The following USP48 variants were observed in gnomAD, a reference collection of about 807,000 sequenced individuals.
The protein encoded by USP48 is ubiquitin carboxyl-terminal hydrolase 48.
USP48 carries 43 observed loss-of-function variants against 150.7 expected under a neutral mutation model. The ratio of observed to expected loss-of-function variants is 0.29; its 90% CI spans 0.22 to 0.37. The LOEUF is 0.37. Among genes scored for constraint, USP48 ranks in the 10% least tolerant of loss-of-function variants. The probability of loss-of-function intolerance (pLI) is 1.00; values close to 1 mark genes in which losing one functional copy is unlikely to be tolerated. For synonymous variants in USP48, 396 were observed against 425.9 expected, an observed-to-expected ratio of 0.93 and a Z score of 0.86; for missense variants, 813 against 1,249.6, an observed-to-expected ratio of 0.65 and a Z score of 5.27.
chr1:21,680,265 T>C (rs1340214949), intron 26 of USP48, among the ~76,000 whole-genome samples: 3 of 152,262 alleles, frequency 2.0e-5, no homozygotes, highest in African/African-American at 7.2e-5. Flanking sequence ...GGTCTGTATT[T>C]GATGACTTCT....
At chr1:21,718,509 TG>T (rs2097710983) in intron 14 of USP48, among the ~76,000 whole-genome samples, 1 of 152,020 alleles carries the variant, frequency 6.6e-6, no homozygotes, top group Non-Finnish European at 1.5e-5. Flanking sequence ...CTTTCTATTA[TG>T]GCATCCAATT....
intron 8 of USP48, among the ~76,000 whole-genome samples, chr1:21,737,721 A>G (rs552396061): frequency 6.6e-6 from 1 of 152,336 alleles, no homozygotes; most frequent in South Asian, 2.1e-4. Flanking sequence ...CCAACAAATA[A>G]TATCTTTTCA....
Position 21,763,982 on chromosome 1 carries a change from A to G in USP48, c.135-6199T>C, listed in dbSNP as rs1345652623. ...AGCCTCTCCCATTCGTCATTCTCCA[A>G]TGCCCCTAACTCCATTTTATCCCTC... On this transcript the variant is annotated intron_variant, in intron 1 of 26. Transcript: ENST00000308271. Among the ~76,000 whole-genome samples the G allele has an allele frequency of 2.0e-5, 3 of 152,222 alleles. No homozygotes were observed. In the East Asian group the frequency reaches 5.8e-4, roughly 29 times the overall value.
Position 21,679,219 on chromosome 1 carries a change from T to A in USP48, c.*198A>T. ...AAATATAAAATTGGAAACATTTCCT[T>A]CAAGTCTGATGTCCATCAGTGCAAT... On this transcript the variant is annotated 3_prime_UTR_variant, in exon 27 of 27. Coordinates refer to ENST00000308271, the MANE Select transcript of USP48 (RefSeq NM_032236.8). The A allele has an allele frequency of 3.7e-6, 2 of 533,896 alleles. No individual in the cohort carries two copies. Among genetic ancestry groups the A allele is most frequent in the South Asian group, 2.0e-5 (1 of 48,942 alleles). The allele number at this position is 533,896 out of a possible 1,614,324, so 33.1% of individuals were successfully genotyped here. A position where few individuals can be genotyped will look rare whatever the true frequency, so the allele number is the denominator to read the frequency against.
At chr1:21,703,463 A>T (rs1284794679) in intron 21 of USP48, 49 bp downstream of exon 21, 2 of 1,466,854 alleles carry the variant, frequency 1.4e-6, no homozygotes, top group Non-Finnish European at 1.9e-6. Context: ...AATCAAGCCA[A>T]AGAGCACGCT....
intron 23 of USP48, among the ~76,000 whole-genome samples, chr1:21,693,823 CA>C (rs1251698676): frequency 2.6e-5 from 4 of 152,146 alleles, no homozygotes; most frequent in Non-Finnish European, 4.4e-5. Context: ...TGGGTTCAAC[CA>C]AGGGAAATAC....
intron 22 of USP48, 32 bp downstream of exon 22, chr1:21,701,466 G>T: frequency 6.3e-7 from 1 of 1,584,144 alleles, no homozygotes; most frequent in Non-Finnish European, 8.7e-7. Flanking sequence ...ACAGCAGAAA[G>T]TATAACAATG....
At chr1:21,688,372 C>T (rs1571694681) in intron 24 of USP48, among the ~76,000 whole-genome samples, 2 of 151,910 alleles carry the variant, frequency 1.3e-5, no homozygotes, top group Non-Finnish European at 2.9e-5. Flanking sequence ...GTGCCCACCA[C>T]CACGCTTGGC....
chr1:21,702,667 A>C (rs1443314404), intron 21 of USP48, among the ~76,000 whole-genome samples: 1 of 152,100 alleles, frequency 6.6e-6, no homozygotes, highest in Non-Finnish European at 1.5e-5. Flanking sequence ...CCTTGGTATG[A>C]TGTATAAAAC....
At chr1:21,777,973 A>T (rs1273075173) in intron 1 of USP48, among the ~76,000 whole-genome samples, 2 of 3,010 alleles carry the variant, frequency 6.6e-4, no homozygotes, top group African/African-American at 2.4e-3. Context: ...TAAATATACC[A>T]AAAAAAAAAA....
chr1:21,776,641 G>A (rs1406771484), intron 1 of USP48, among the ~76,000 whole-genome samples: 1 of 145,750 alleles, frequency 6.9e-6, no homozygotes, highest in Non-Finnish European at 1.5e-5. Flanking sequence ...TAGAAAGAGA[G>A]CTTTTTGGAT....
At position 21,723,833 on chromosome 1, in the gene USP48, A is replaced by G. The variant is rs1327114870; in HGVS notation, c.1648+65T>C. 6 of 1,426,120 alleles carry G rather than the reference A, an allele frequency of 4.2e-6. 1 individual carries two copies. The highest frequency in any genetic ancestry group is 2.5e-5 in the South Asian group (2 of 79,586). 88.3% of individuals were successfully genotyped at this position (1,426,120 alleles called of 1,614,324 possible). A position where few individuals can be genotyped will look rare whatever the true frequency, so the allele number is the denominator to read the frequency against. The stretch of plus-strand genomic sequence containing the variant: ...TCAAATCATCATAAGCCACACTCAT[A>G]AAGACCATAAGATGAAGATTTAATG... On this transcript the variant is annotated intron_variant, in intron 12 of 26. Transcript: ENST00000308271.
chr1:21,704,333 T>G lies in USP48; in HGVS notation c.2444A>C (p.His815Pro). ...QMIQKLFVVD[H>P]VIKITRIEVG... ...TTCAATTCTCGTGATTTTAATTACA[T>G]GATCCACAACAAAGAGCTTTTGTAT... Residue 815 changes from histidine (H) to proline (P), a missense_variant, in exon 20 of 27, where the codon CAT becomes CCT. Transcript: ENST00000308271. The G allele has an allele frequency of 6.2e-7, 1 of 1,613,998 alleles. No individual in the cohort carries two copies. Among genetic ancestry groups the G allele is most frequent in the Non-Finnish European group, 8.5e-7 (1 of 1,179,970 alleles).
chr1:21,759,369 C>A (rs756502808), intron 1 of USP48, among the ~76,000 whole-genome samples: 1 of 152,016 alleles, frequency 6.6e-6, no homozygotes, highest in Non-Finnish European at 1.5e-5. Context: ...TTTACTAGTA[C>A]CCTCTGGCTA....
chr1:21,722,080 G>A (rs894084487), intron 12 of USP48, among the ~76,000 whole-genome samples: 1 of 151,942 alleles, frequency 6.6e-6, no homozygotes, highest in Admixed American at 6.6e-5. Flanking sequence ...TTCTAAGGTG[G>A]GGGGGTTAAA....
At chr1:21,707,011 C>T in intron 15 of USP48, 143 bp from the exon 16 acceptor site, 2 of 1,008,724 alleles carry the variant, frequency 2.0e-6, no homozygotes, top group Admixed American at 3.1e-5. Flanking sequence ...GCTCTCTTTT[C>T]TTGTTTTCAA....
At chr1:21,699,763 G>A (rs1474745241) in intron 22 of USP48, among the ~76,000 whole-genome samples, 2 of 151,614 alleles carry the variant, frequency 1.3e-5, no homozygotes, top group Admixed American at 6.6e-5. Context: ...TGATCCACCC[G>A]CCTCGGCCTT....
At chr1:21,714,867 A>T (rs2097700078) in intron 15 of USP48, among the ~76,000 whole-genome samples, 1 of 152,204 alleles carries the variant, frequency 6.6e-6, no homozygotes, top group Admixed American at 6.5e-5. Flanking sequence ...AACCAAGCCG[A>T]GCCCAGTGGC....
In USP48 at chr1:21,742,029, G is replaced by C. The variant is rs2097783062; in HGVS notation, c.991+5038C>G. Reference sequence around the variant, plus strand: ...ATGTTTTGAGATCATTGAGGGTAAAGATGTTATCTAGAGAGTTAAGAATAC... The same window carrying C: ...ATGTTTTGAGATCATTGAGGGTAAACATGTTATCTAGAGAGTTAAGAATAC... On this transcript the variant is annotated intron_variant, in intron 8 of 26. Transcript: ENST00000308271. Among the ~76,000 whole-genome samples the C allele has an allele frequency of 3.9e-5, 6 of 152,070 alleles. No individual in the cohort carries two copies. In the South Asian group the frequency reaches 1.0e-3, roughly 26 times the overall value.
Sources: gnomAD v4.1 joint callset for allele counts (sites outside exome capture counted in the v4.1 genomes callset) on GRCh38, gnomAD v4.1.1 for gene constraint, MANE v1.5 for transcripts, NCBI Gene and HGNC (gene_info 2026-07-23, HGNC 2026-07-21) for gene names.